Variants in LRRC4C observed in about 807,000 individuals in gnomAD.
LRRC4C encodes the protein leucine rich repeat containing 4C.
Under a neutral mutation model 33.6 loss-of-function variants are expected in LRRC4C, and 5 were observed. The ratio of observed to expected loss-of-function variants is 0.15; its 90% CI spans 0.08 to 0.31. LRRC4C has a LOEUF of 0.31. LRRC4C is among the 10% of genes least tolerant of loss of function. LRRC4C has a pLI of 1.00. For missense variants in LRRC4C, 560 were observed against 796.7 expected (o/e 0.70, Z 3.58); for synonymous variants, 329 against 302.0 (o/e 1.09, Z -0.93).
intron 3 of LRRC4C, among the ~76,000 whole-genome samples, chr11:40,347,771 G>T (rs1374090714): frequency 1.3e-5 from 2 of 152,058 alleles, no homozygotes; most frequent in Non-Finnish European, 2.9e-5. Flanking sequence ...ACCACACCTG[G>T]CTAATTTTAC....
At chr11:41,116,369 A>G (rs1942125025) in intron 1 of LRRC4C, among the ~76,000 whole-genome samples, 1 of 152,144 alleles carries the variant, frequency 6.6e-6, no homozygotes, top group Non-Finnish European at 1.5e-5. Flanking sequence ...GCCCAATTAC[A>G]TAGTAAACAG....
intron 1 of LRRC4C, among the ~76,000 whole-genome samples, chr11:41,259,187 GA>G (rs1465028632): frequency 6.6e-6 from 1 of 151,958 alleles, no homozygotes; most frequent in East Asian, 1.9e-4. Context: ...TTCTCAAGTA[GA>G]GATAACTCAG....
Position 40,990,797 on chromosome 11 carries a change from G to A in LRRC4C, c.-495-57074C>T, listed in dbSNP as rs190441744. The stretch of plus-strand genomic sequence containing the variant: ...ATGCCTTTTTTACTGCCGCAATGAA[G>A]GAGCAAAAAATGTCAATTTGATTAA... On this transcript the variant is annotated intron_variant, in intron 1 of 6. Transcript: ENST00000528697. Among the ~76,000 whole-genome samples the A allele has an allele frequency of 1.9e-4, 29 of 152,008 alleles. No individual in the cohort carries two copies. The East Asian group carries it at 5.0e-3, about 26-fold the overall frequency.
At chr11:40,145,197 C>T (rs1565048438) in intron 5 of LRRC4C, among the ~76,000 whole-genome samples, 1 of 152,108 alleles carries the variant, frequency 6.6e-6, no homozygotes, top group Non-Finnish European at 1.5e-5. Flanking sequence ...AAAAAAGCAA[C>T]TAAAGCATAT....
At chr11:40,527,705 T>C (rs1956110045) in intron 3 of LRRC4C, among the ~76,000 whole-genome samples, 1 of 152,132 alleles carries the variant, frequency 6.6e-6, no homozygotes, top group South Asian at 2.1e-4. Context: ...AATGAGTAGA[T>C]AGTTTAATAT....
chr11:40,654,768 G>T (rs1321521710), intron 2 of LRRC4C, among the ~76,000 whole-genome samples: 1 of 152,102 alleles, frequency 6.6e-6, no homozygotes, highest in Non-Finnish European at 1.5e-5. Flanking sequence ...GAGTGATATT[G>T]TTTGGCTCTG....
At chr11:41,330,448 A>C (rs1457314127) in intron 1 of LRRC4C, among the ~76,000 whole-genome samples, 2 of 152,166 alleles carry the variant, frequency 1.3e-5, no homozygotes, top group Non-Finnish European at 2.9e-5. Flanking sequence ...GCTAGGGTTT[A>C]AAACTATTTA....
chr11:40,367,329 C>T (rs11035807), intron 3 of LRRC4C, among the ~76,000 whole-genome samples: 50,719 of 151,950 alleles, frequency 0.33, 10,021 homozygotes, highest in South Asian at 0.48. Context: ...CAAATACACT[C>T]ATTTTCTCAT....
At position 40,799,541 on chromosome 11, in the gene LRRC4C, C is replaced by A. The variant is rs568133476; in HGVS notation, c.-407+134094G>T. 2.0e-5 allele frequency among the ~76,000 whole-genome samples: 3 copies of A among 152,284 alleles called. No individual in the cohort carries two copies. In the South Asian group the frequency reaches 6.2e-4, roughly 32 times the overall value. ...TCAGAGTCTCACTCTGTCACCCAGG[C>A]TGGAGTGTAGTGATGCCTCCTGGGC... On this transcript the variant is annotated intron_variant, in intron 2 of 6. Coordinates refer to ENST00000528697, the MANE Select transcript of LRRC4C (RefSeq NM_001258419.2).
At chr11:40,745,258 T>G (rs1948360971) in intron 2 of LRRC4C, among the ~76,000 whole-genome samples, 1 of 152,202 alleles carries the variant, frequency 6.6e-6, no homozygotes, top group Non-Finnish European at 1.5e-5. Context: ...GTGAACTATC[T>G]GTTCTTTCCA....
chr11:40,502,606 C>CA (rs1954832782), intron 3 of LRRC4C, among the ~76,000 whole-genome samples: 1 of 152,094 alleles, frequency 6.6e-6, no homozygotes, highest in South Asian at 2.1e-4. Flanking sequence ...GAAATGACCC[C>CA]TACGATTCAA....
intron 4 of LRRC4C, among the ~76,000 whole-genome samples, chr11:40,304,730 T>C (rs1944942327): frequency 6.6e-6 from 1 of 151,830 alleles, no homozygotes; most frequent in Non-Finnish European, 1.5e-5. Context: ...TTTTAGACTT[T>C]CAACCTTTTT....
chr11:41,167,727 T>A (rs1944792152), intron 1 of LRRC4C, among the ~76,000 whole-genome samples: 1 of 152,250 alleles, frequency 6.6e-6, no homozygotes, highest in African/African-American at 2.4e-5. Flanking sequence ...TACCTGTCCA[T>A]CTCTCATCTC....
At chr11:41,148,941 C>T (rs536599129) in intron 1 of LRRC4C, among the ~76,000 whole-genome samples, 1 of 152,148 alleles carries the variant, frequency 6.6e-6, no homozygotes, top group East Asian at 1.9e-4. Flanking sequence ...ATCTGCATCC[C>T]TCCTTGGCAT....
intron 2 of LRRC4C, among the ~76,000 whole-genome samples, chr11:40,854,610 G>A (rs1044799084): frequency 1.3e-5 from 2 of 151,676 alleles, no homozygotes; most frequent in African/African-American, 2.4e-5. Flanking sequence ...TTCATACAAT[G>A]CCTTTTTTTT....
intron 3 of LRRC4C, among the ~76,000 whole-genome samples, chr11:40,467,067 G>A (rs1445400998): frequency 6.6e-6 from 1 of 152,104 alleles, no homozygotes; most frequent in Non-Finnish European, 1.5e-5. Context: ...AAAAGAAACA[G>A]TTGCATATTT....
chr11:40,114,490 G>C lies in LRRC4C; in HGVS notation c.1803C>G (p.Tyr601Ter). The C allele has an allele frequency of 6.2e-7, 1 of 1,614,134 alleles. No individual in the cohort carries two copies. The highest frequency in any genetic ancestry group is 8.5e-7 in the Non-Finnish European group (1 of 1,180,026). Residue 601 changes from tyrosine (Y) to a stop codon, truncating the protein, a stop_gained, in exon 7 of 7, where the codon TAC (tyrosine) becomes TAG (stop). Transcript: ENST00000528697. LOFTEE classifies it high-confidence loss of function. ...TTGTTGTGTGGTTGAAGGGAGATTT[G>C]TATGAGTTATAGTGATTTAGGTGCT... ...EHEHLNHYNS[Y>*]KSPFNHTTTV... is the part of the protein sequence containing the mutation.
At chr11:40,117,996 A>T (rs1163628682) in intron 6 of LRRC4C, among the ~76,000 whole-genome samples, 2 of 149,702 alleles carry the variant, frequency 1.3e-5, no homozygotes, top group African/African-American at 4.9e-5. Context: ...ATTTCATATT[A>T]AAAATATTTT....
chr11:40,633,343 T>C (rs1287219363), intron 3 of LRRC4C, among the ~76,000 whole-genome samples: 1 of 37,742 alleles, frequency 2.6e-5, no homozygotes. Context: ...CTTTCTTTCT[T>C]TCTTTCTTTC....
Sources: allele counts gnomAD v4.1 joint callset (sites outside exome capture counted in the v4.1 genomes callset), GRCh38; gene constraint gnomAD v4.1.1; transcripts MANE v1.5; gene names NCBI Gene and HGNC (gene_info 2026-07-23, HGNC 2026-07-21).